SEMA5A: variants seen among roughly 807,000 people sequenced by gnomAD.
SEMA5A encodes semaphorin 5A.
Under a neutral mutation model 135.5 loss-of-function variants are expected in SEMA5A, and 55 were observed. The observed-to-expected ratio is 0.41, with a 90% CI of 0.33 to 0.51. SEMA5A has a LOEUF of 0.51. Among genes scored for constraint, SEMA5A ranks in the 20% least tolerant of loss-of-function variants. SEMA5A has a pLI of 0.37. For synonymous variants in SEMA5A, 580 were observed against 546.5 expected, an observed-to-expected ratio of 1.06 and a Z score of -0.85; for missense variants, 1,290 against 1,419.9, an observed-to-expected ratio of 0.91 and a Z score of 1.47.
At chr5:9,275,888 G>A (rs911587497) in intron 5 of SEMA5A, among the ~76,000 whole-genome samples, 20 of 148,454 alleles carry the variant, frequency 1.3e-4, no homozygotes, top group East Asian at 7.9e-4. Flanking sequence ...CTGAATGGGC[G>A]AAAAACTGGC....
intron 2 of SEMA5A, among the ~76,000 whole-genome samples, chr5:9,388,647 C>T (rs1756004930): frequency 6.6e-6 from 1 of 152,128 alleles, no homozygotes. Context: ...CGCCTGTAAT[C>T]CCTGCACTTT....
intron 13 of SEMA5A, among the ~76,000 whole-genome samples, chr5:9,126,085 G>A (rs927436688): frequency 6.6e-6 from 1 of 152,070 alleles, no homozygotes; most frequent in African/African-American, 2.4e-5. Context: ...ACGGTGGTCA[G>A]ACAGAATATT....
intron 12 of SEMA5A, among the ~76,000 whole-genome samples, chr5:9,148,010 A>G (rs1401171357): frequency 6.6e-6 from 1 of 152,202 alleles, no homozygotes; most frequent in Non-Finnish European, 1.5e-5. Flanking sequence ...TTATGTTCCC[A>G]CAGCTTGAAT....
intron 5 of SEMA5A, among the ~76,000 whole-genome samples, chr5:9,292,279 G>A (rs947304310): frequency 9.9e-5 from 15 of 152,066 alleles, no homozygotes; most frequent in African/African-American, 2.7e-4. Context: ...TTTCAAACAC[G>A]GTAGTTACCA....
intron 1 of SEMA5A, among the ~76,000 whole-genome samples, chr5:9,454,267 A>G (rs1458858862): frequency 6.6e-6 from 1 of 152,220 alleles, no homozygotes; most frequent in African/African-American, 2.4e-5. Flanking sequence ...CATAATGTGA[A>G]CCAGATCCTC....
chr5:9,215,898 AGCTCTG>A (rs1180357923), intron 8 of SEMA5A, among the ~76,000 whole-genome samples: 1 of 151,500 alleles, frequency 6.6e-6, no homozygotes, highest in African/African-American at 2.4e-5. Flanking sequence ...CCTTCAGTTC[AGCTCTG>A]ATTTTGATTG....
At chr5:9,221,544 C>G (rs40670) in intron 8 of SEMA5A, among the ~76,000 whole-genome samples, 2 of 150,352 alleles carry the variant, frequency 1.3e-5, no homozygotes, top group African/African-American at 2.4e-5. Flanking sequence ...CCTCGTGATC[C>G]GCCCGCCTCG....
intron 1 of SEMA5A, among the ~76,000 whole-genome samples, chr5:9,544,042 AC>A (rs1738239269): frequency 1.3e-5 from 2 of 152,328 alleles, no homozygotes; most frequent in Middle Eastern, 3.4e-3. Flanking sequence ...TTAATTAGCA[AC>A]AAATTCAGCA....
At chr5:9,293,664 T>G (rs1289297828) in intron 5 of SEMA5A, among the ~76,000 whole-genome samples, 2 of 152,216 alleles carry the variant, frequency 1.3e-5, no homozygotes, top group Admixed American at 1.3e-4. Context: ...TAATTTCTCT[T>G]TTACTTTTCT....
intron 12 of SEMA5A, among the ~76,000 whole-genome samples, chr5:9,152,207 G>T (rs535507507): frequency 6.6e-5 from 10 of 152,128 alleles, no homozygotes; most frequent in Admixed American, 2.0e-4. Context: ...ACAGGCCTGC[G>T]GCTTCCTGTG....
intron 1 of SEMA5A, among the ~76,000 whole-genome samples, chr5:9,469,534 G>A (rs1345013069): frequency 6.6e-6 from 1 of 152,098 alleles, no homozygotes; most frequent in Non-Finnish European, 1.5e-5. Flanking sequence ...TTTCACATTT[G>A]AGAAAAATGA....
chr5:9,080,234 T>C lies in SEMA5A; in HGVS notation c.2074-13588A>G, dbSNP rs140827487. ...TATGCAGCCATAAAAAAGGATGAGTTCATGTCCTTCGCAGAGACTTGGATA... is the reference window on the plus strand; with the variant it reads ...TATGCAGCCATAAAAAAGGATGAGTCCATGTCCTTCGCAGAGACTTGGATA... On this transcript the variant is annotated intron_variant, in intron 16 of 22. Coordinates refer to ENST00000382496, the MANE Select transcript of SEMA5A (RefSeq NM_003966.3). Among the ~76,000 whole-genome samples the C allele has an allele frequency of 2.6e-5, 4 of 152,268 alleles. No homozygotes were observed. In the East Asian group the frequency reaches 7.7e-4, roughly 29 times the overall value.
intron 18 of SEMA5A, 74 bp from the exon 19 acceptor site, chr5:9,054,331 G>A (rs1736770035): frequency 4.6e-6 from 7 of 1,527,664 alleles, no homozygotes; most frequent in South Asian, 1.3e-5. Flanking sequence ...CTAAATGGAA[G>A]CTAAGTGGAT....
intron 2 of SEMA5A, among the ~76,000 whole-genome samples, chr5:9,423,108 A>G (rs773189026): frequency 1.3e-4 from 20 of 152,178 alleles, no homozygotes; most frequent in Non-Finnish European, 1.9e-4. Flanking sequence ...GCCATGCAGC[A>G]GAGAAGGAGA....
chr5:9,488,216 C>T (rs1015933038), intron 1 of SEMA5A, among the ~76,000 whole-genome samples: 2 of 152,112 alleles, frequency 1.3e-5, no homozygotes, highest in East Asian at 3.9e-4. Flanking sequence ...TTTGGCTTCT[C>T]GAGTTTCAGG....
At position 9,108,892 on chromosome 5, in the gene SEMA5A, T is replaced by TTA. The variant is rs1740072978; in HGVS notation, c.1926-607_1926-606dup. Among the ~76,000 whole-genome samples, 6 of 152,066 alleles carry TTA rather than the reference T, an allele frequency of 3.9e-5. No homozygotes were observed. The South Asian group carries it at 1.2e-3, about 32-fold the overall frequency. ...CCACTCGTTATTCAAAAAGAATTGA[T>TTA]TATACAATTTTACAAATATTAGTTC... is the stretch of plus-strand genomic sequence containing the variant. On this transcript the variant is annotated intron_variant, in intron 15 of 22. Coordinates refer to ENST00000382496, the MANE Select transcript of SEMA5A (RefSeq NM_003966.3).
At chr5:9,331,208 T>C (rs575663217) in intron 4 of SEMA5A, among the ~76,000 whole-genome samples, 1 of 152,290 alleles carries the variant, frequency 6.6e-6, no homozygotes, top group Admixed American at 6.5e-5. Context: ...AGGTAAAATT[T>C]TCAAGTAAAA....
At position 9,318,042 on chromosome 5, in the gene SEMA5A, C is replaced by T. The variant is rs562756329; in HGVS notation, c.270+330G>A. 2.3e-4 allele frequency among the ~76,000 whole-genome samples: 35 copies of T among 152,214 alleles called. No individual in the cohort carries two copies. In the South Asian group the frequency reaches 6.6e-3, roughly 29 times the overall value. The stretch of plus-strand genomic sequence containing the variant: ...GCCCGGATGCATCAAACTAAATAAT[C>T]GATGATTGCTGTAACTGTGGGGGAA... On this transcript the variant is annotated intron_variant, in intron 5 of 22. Coordinates refer to ENST00000382496, the MANE Select transcript of SEMA5A (RefSeq NM_003966.3).
chr5:9,457,271 G>A (rs1051850695), intron 1 of SEMA5A, among the ~76,000 whole-genome samples: 3 of 152,168 alleles, frequency 2.0e-5, no homozygotes, highest in African/African-American at 7.2e-5. Flanking sequence ...CTCCTCAGAG[G>A]AGTAGAAATC....
Sources: allele counts gnomAD v4.1 joint callset (sites outside exome capture counted in the v4.1 genomes callset), GRCh38; gene constraint gnomAD v4.1.1; transcripts MANE v1.5; gene names NCBI Gene and HGNC (gene_info 2026-07-23, HGNC 2026-07-21).